The following DRC8 variants were observed in gnomAD, a reference collection of about 807,000 sequenced individuals.
The protein encoded by DRC8 is dynein regulatory complex subunit 8.
the DRC8 span, among the ~76,000 whole-genome samples, chr1:245,092,037 A>G: frequency 6.6e-6 from 1 of 152,154 alleles, no homozygotes; most frequent in Non-Finnish European, 1.5e-5. Context: ...GGGAAGGTGC[A>G]TGACTCAGGA....
the DRC8 span, among the ~76,000 whole-genome samples, chr1:245,012,304 A>G: frequency 6.6e-6 from 1 of 151,858 alleles, no homozygotes; most frequent in East Asian, 1.9e-4. Context: ...ACTTATTGGT[A>G]AAAGACTAGT....
At chr1:245,022,942 T>C in the DRC8 span, 1 of 152,192 alleles carries the variant, frequency 6.6e-6, no homozygotes, top group Non-Finnish European at 1.5e-5. Flanking sequence ...ACCGTTCTGC[T>C]TTCTGTGTCT....
chr1:245,057,639 CT>C, the DRC8 span, among the ~76,000 whole-genome samples: 103 of 144,440 alleles, frequency 7.1e-4, no homozygotes, highest in Middle Eastern at 3.6e-3. Flanking sequence ...CTTCAAAAAT[CT>C]TTTTTTTTTT....
At chr1:244,978,310 A>G in the DRC8 span, among the ~76,000 whole-genome samples, 1 of 152,122 alleles carries the variant, frequency 6.6e-6, no homozygotes, top group East Asian at 1.9e-4. Context: ...CCTGGCCAAC[A>G]CGGGAAAACC....
the DRC8 span, chr1:245,087,163 C>T: frequency 1.9e-6 from 3 of 1,543,218 alleles, no homozygotes; most frequent in Admixed American, 4.5e-5. Flanking sequence ...TTGTGGGGCT[C>T]CATGGCTATT....
chr1:245,021,507 C>T, the DRC8 span, among the ~76,000 whole-genome samples: 1 of 152,128 alleles, frequency 6.6e-6, no homozygotes, highest in Non-Finnish European at 1.5e-5. Flanking sequence ...CCAATCTCGG[C>T]TCATTGTAAC....
the DRC8 span, among the ~76,000 whole-genome samples, chr1:245,033,870 C>A: frequency 0.026 from 3,992 of 151,952 alleles, 141 homozygotes; most frequent in East Asian, 0.14. Flanking sequence ...TACAGGCGTG[C>A]ACCACCATGC....
chr1:245,076,160 A>G, the DRC8 span, among the ~76,000 whole-genome samples: 2 of 152,200 alleles, frequency 1.3e-5, no homozygotes, highest in Admixed American at 6.5e-5. Flanking sequence ...TGTGCCTGAA[A>G]TTTCAGCACC....
chr1:245,097,620 A>G, the DRC8 span, among the ~76,000 whole-genome samples: 5 of 152,234 alleles, frequency 3.3e-5, no homozygotes, highest in Admixed American at 3.3e-4. The surrounding 1 kb of genome is among the most constrained non-coding windows in gnomAD (Gnocchi z 5.0). Context: ...GGTTGACAGT[A>G]GGAGGCAGAT....
chr1:244,990,425 C>T, the DRC8 span, among the ~76,000 whole-genome samples: 244 of 152,256 alleles, frequency 1.6e-3, 2 homozygotes, highest in African/African-American at 5.7e-3. Context: ...TTTAGGCACC[C>T]ACTGCAGGTC....
chr1:245,122,281 T>C, the DRC8 span: 1 of 166,770 alleles, frequency 6.0e-6, no homozygotes, highest in African/African-American at 2.4e-5. Context: ...TCCAAACATT[T>C]GCTTAGAAGT....
chr1:245,115,134 C>T, the DRC8 span, among the ~76,000 whole-genome samples: 835 of 152,282 alleles, frequency 5.5e-3, 12 homozygotes, highest in African/African-American at 0.019. Flanking sequence ...CATGCAGCCT[C>T]GACCTCCCCA....
the DRC8 span, among the ~76,000 whole-genome samples, chr1:245,009,028 CTTT>C: frequency 0.18 from 11,251 of 63,386 alleles, 231 homozygotes; most frequent in South Asian, 0.23. Flanking sequence ...TTATGCTTTT[CTTT>C]TTTTTTTTTT....
At chr1:245,115,285 C>T in the DRC8 span, among the ~76,000 whole-genome samples, 1 of 150,234 alleles carries the variant, frequency 6.7e-6, no homozygotes, top group East Asian at 2.0e-4. Context: ...TGAGTTCAAG[C>T]AATCTGCCTG....
At chr1:245,025,962 T>C in the DRC8 span, among the ~76,000 whole-genome samples, 1 of 152,194 alleles carries the variant, frequency 6.6e-6, no homozygotes, top group Non-Finnish European at 1.5e-5. Context: ...ATGAAGCCTC[T>C]TTTTCTTTAT....
chr1:245,055,115 C>T, the DRC8 span, among the ~76,000 whole-genome samples: 1 of 152,140 alleles, frequency 6.6e-6, no homozygotes, highest in African/African-American at 2.4e-5. Flanking sequence ...CAAGCCTGCT[C>T]TTTGGCCTGG....
chr1:245,073,658 T>TA, the DRC8 span, among the ~76,000 whole-genome samples: 1 of 151,816 alleles, frequency 6.6e-6, no homozygotes, highest in Non-Finnish European at 1.5e-5. Context: ...GTTAAGTAAA[T>TA]AAAAAAAGAC....
At chr1:245,073,259 C>T in the DRC8 span, among the ~76,000 whole-genome samples, 34 of 152,196 alleles carry the variant, frequency 2.2e-4, no homozygotes, top group Admixed American at 3.9e-4. Flanking sequence ...CCTCAGCCTC[C>T]CGAGTAGCTG....
At chr1:244,970,267 T>TGCCCCCCCCCCCC in the DRC8 span, 1 of 709,476 alleles carries the variant, frequency 1.4e-6, no homozygotes, top group Non-Finnish European at 2.5e-6. Context: ...CGGAGCCTCC[T>TGCCCCCCCCCCCC]CCCCGCCCCG....
Sources: allele counts gnomAD v4.1 joint callset (sites outside exome capture counted in the v4.1 genomes callset), GRCh38; gene constraint gnomAD v4.1.1; non-coding constraint Gnocchi (gnomAD v3.1); transcripts MANE v1.5; gene names NCBI Gene and HGNC (gene_info 2026-07-23, HGNC 2026-07-21).